NTM: variants seen among roughly 807,000 people sequenced by gnomAD.
NTM encodes neurotrimin.
In NTM, 13 loss-of-function variants were observed where a neutral mutation model predicts 42.1. The ratio of observed to expected loss-of-function variants is 0.31; its 90% confidence interval spans 0.20 to 0.49. The LOEUF is 0.49. Ranked by LOEUF, NTM falls within the 20% of genes least tolerant of loss-of-function variation. The pLI is 0.99. For synonymous variants in NTM, 187 were observed against 179.2 expected (o/e 1.04, Z -0.35); for missense variants, 373 against 452.8 (o/e 0.82, Z 1.60).
At chr11:131,560,476 C>T (rs1365794171) in intron 1 of NTM, among the ~76,000 whole-genome samples, 1 of 152,166 alleles carries the variant, frequency 6.6e-6, no homozygotes, top group African/African-American at 2.4e-5. Flanking sequence ...TGCAGTATAA[C>T]ACACAAGGAA....
At chr11:131,486,078 A>T (rs1367622487) in intron 1 of NTM, among the ~76,000 whole-genome samples, 1 of 152,098 alleles carries the variant, frequency 6.6e-6, no homozygotes. Flanking sequence ...TTTACTGGAC[A>T]CTCAGTTGAT....
chr11:132,283,072 C>T (rs1305687537), intron 4 of NTM, among the ~76,000 whole-genome samples: 1 of 146,370 alleles, frequency 6.8e-6, no homozygotes, highest in Non-Finnish European at 1.5e-5. Context: ...CTGCAACCTT[C>T]GCCTCCTGGG....
intron 1 of NTM, among the ~76,000 whole-genome samples, chr11:131,825,616 A>G (rs1489298352): frequency 3.9e-5 from 6 of 152,174 alleles, no homozygotes; most frequent in Admixed American, 3.3e-4. Context: ...CCTGTTGAAG[A>G]CAGTTGCAGC....
chr11:131,713,280 A>C (rs2077362528), intron 1 of NTM, among the ~76,000 whole-genome samples: 1 of 152,224 alleles, frequency 6.6e-6, no homozygotes, highest in South Asian at 2.1e-4. Flanking sequence ...GAAGGAAAAC[A>C]TAACAATCTG....
intron 1 of NTM, among the ~76,000 whole-genome samples, chr11:131,630,312 ATAT>A: frequency 6.6e-6 from 1 of 152,144 alleles, no homozygotes; most frequent in South Asian, 2.1e-4. Context: ...TCTCAAATAT[ATAT>A]TGTTTTCTCT....
chr11:131,771,279 T>C (rs2086053563), intron 1 of NTM: 1 of 152,204 alleles, frequency 6.6e-6, no homozygotes, highest in African/African-American at 2.4e-5. Flanking sequence ...ATTCTGTAAG[T>C]GTACTGCTGG....
chr11:131,959,021 G>T (rs369206328), intron 2 of NTM, among the ~76,000 whole-genome samples: 1 of 152,296 alleles, frequency 6.6e-6, no homozygotes, highest in African/African-American at 2.4e-5. Flanking sequence ...AGAGATAAAA[G>T]ACTTTGTTAC....
rs2070474979 is a variant in NTM, at chr11:132,146,619, T to C, written c.400+105T>C. The C allele has an allele frequency of 8.2e-7, 1 of 1,222,670 alleles. No homozygotes were observed. The highest frequency in any genetic ancestry group is 1.1e-6 in the Non-Finnish European group (1 of 881,462). The allele number at this position is 1,222,670 out of a possible 1,614,324, so 75.7% of individuals were successfully genotyped here. On this transcript the variant is annotated intron_variant, in intron 3 of 8. Coordinates refer to ENST00000683400, the MANE Select transcript of NTM (RefSeq NM_001352005.2). The surrounding 1 kb of genome is among the most constrained non-coding windows in gnomAD (Gnocchi z 4.5). The stretch of plus-strand genomic sequence containing the variant: ...CAACAGAGATGAGTTATCCTTATTC[T>C]ACGCATCTGGGGTCCAGGGCACATT...
chr11:132,108,119 T>G (rs2062649489), intron 2 of NTM, among the ~76,000 whole-genome samples: 2 of 152,180 alleles, frequency 1.3e-5, no homozygotes, highest in Admixed American at 6.5e-5. Context: ...TTATCCCTCC[T>G]TTATCTTTCC....
chr11:131,687,082 A>T (rs1429932033), intron 1 of NTM, among the ~76,000 whole-genome samples: 1 of 151,982 alleles, frequency 6.6e-6, no homozygotes, highest in East Asian at 2.0e-4. Flanking sequence ...CACTCACCTC[A>T]CTTGCGGGTC....
At chr11:131,718,109 A>T (rs542262939) in intron 1 of NTM, among the ~76,000 whole-genome samples, 1 of 152,090 alleles carries the variant, frequency 6.6e-6, no homozygotes, top group Non-Finnish European at 1.5e-5. Context: ...CAATTTACTA[A>T]CAGTATGTTT....
intron 1 of NTM, among the ~76,000 whole-genome samples, chr11:131,527,473 G>A (rs1355283031): frequency 6.6e-6 from 1 of 152,034 alleles, no homozygotes; most frequent in Admixed American, 6.5e-5. Flanking sequence ...TAGTTTCCTG[G>A]CATACTCTTA....
At chr11:132,113,156 T>C (rs1213885849) in intron 2 of NTM, among the ~76,000 whole-genome samples, 3 of 152,152 alleles carry the variant, frequency 2.0e-5, no homozygotes, top group African/African-American at 7.2e-5. Flanking sequence ...TTGATCAGGT[T>C]AAGGATGGGA....
chr11:132,154,684 A>C (rs2072775887), intron 3 of NTM, among the ~76,000 whole-genome samples: 1 of 152,220 alleles, frequency 6.6e-6, no homozygotes. Flanking sequence ...CCTACCTGAG[A>C]GTCCTCATAC....
In NTM at chr11:131,849,542, G is replaced by A. The variant is rs909800026; in HGVS notation, c.83-62022G>A. On this transcript the variant is annotated intron_variant, in intron 1 of 8. Transcript: ENST00000683400. ...GACAGCAGCAAGCCATGAGGGATCC[G>A]CCCCCATGATCCACACACACCCAAC... Among the ~76,000 whole-genome samples the A allele has an allele frequency of 1.1e-4, 16 of 150,868 alleles. No homozygotes were observed. The East Asian group carries it at 1.6e-3, about 15-fold the overall frequency.
intron 1 of NTM, among the ~76,000 whole-genome samples, chr11:131,644,873 G>A (rs2065584122): frequency 2.0e-5 from 3 of 152,042 alleles, no homozygotes; most frequent in Admixed American, 6.6e-5. Flanking sequence ...TGTATGTTCA[G>A]GTGTTTTATA....
At chr11:132,103,463 G>A (rs903268788) in intron 2 of NTM, among the ~76,000 whole-genome samples, 3 of 152,118 alleles carry the variant, frequency 2.0e-5, no homozygotes, top group Non-Finnish European at 4.4e-5. Flanking sequence ...ATGCCTTTTC[G>A]TATTCCTACA....
At chr11:131,754,322 CTTATAAAG>C (rs1255934100) in intron 1 of NTM, among the ~76,000 whole-genome samples, 1 of 151,602 alleles carries the variant, frequency 6.6e-6, no homozygotes, top group African/African-American at 2.4e-5. Context: ...ATGTTTTTTC[CTTATAAAG>C]TTAAATACAT....
intron 1 of NTM, among the ~76,000 whole-genome samples, chr11:131,599,858 T>C (rs1490030736): frequency 6.6e-6 from 1 of 152,224 alleles, no homozygotes. Context: ...CCTAGATCTG[T>C]AGCAGAAAAT....
Sources: gnomAD v4.1 joint callset for allele counts (sites outside exome capture counted in the v4.1 genomes callset) on GRCh38, gnomAD v4.1.1 for gene constraint, Gnocchi (gnomAD v3.1) non-coding constraint, MANE v1.5 for transcripts, NCBI Gene and HGNC (gene_info 2026-07-23, HGNC 2026-07-21) for gene names.